Variants in GRID2 observed in about 807,000 individuals in gnomAD.
The protein encoded by GRID2 is glutamate ionotropic receptor delta type subunit 2.
In GRID2, 33 loss-of-function variants were observed where a neutral mutation model predicts 114.8. The ratio of observed to expected loss-of-function variants is 0.29; its 90% CI spans 0.22 to 0.38. The LOEUF (loss-of-function observed/expected upper bound fraction) is 0.38, where lower values mean the gene tolerates loss of function less well. Among genes scored for constraint, GRID2 ranks in the 10% least tolerant of loss-of-function variants. The pLI, the probability that GRID2 is intolerant of heterozygous loss-of-function variation, is 1.00. For synonymous variants in GRID2, 505 were observed against 449.9 expected (o/e 1.12, Z -1.55); for missense variants, 1,184 against 1,257.7 (o/e 0.94, Z 0.89).
At chr4:92,339,064 T>C (rs997462775) in intron 1 of GRID2, among the ~76,000 whole-genome samples, 3 of 152,130 alleles carry the variant, frequency 2.0e-5, no homozygotes, top group Non-Finnish European at 4.4e-5. Context: ...TGGAGATTTA[T>C]ACCTTCCTCT....
intron 2 of GRID2, among the ~76,000 whole-genome samples, chr4:92,625,663 A>G (rs62307916): frequency 0.056 from 8,449 of 151,916 alleles, 302 homozygotes; most frequent in East Asian, 0.16. Flanking sequence ...GAAAATAACA[A>G]TATTAGTTAC....
chr4:93,143,917 T>C (rs1735974571), intron 4 of GRID2, among the ~76,000 whole-genome samples: 1 of 152,222 alleles, frequency 6.6e-6, no homozygotes, highest in Non-Finnish European at 1.5e-5. Context: ...AAGAAGTTTT[T>C]CTTAAAGGAC....
chr4:92,887,511 CT>C (rs954510595), intron 2 of GRID2, among the ~76,000 whole-genome samples: 1 of 148,414 alleles, frequency 6.7e-6, no homozygotes, highest in Non-Finnish European at 1.5e-5. Flanking sequence ...TTGTGCACCC[CT>C]CTCAAGTGCT....
chr4:92,589,725 A>G (rs1209177840), intron 1 of GRID2, among the ~76,000 whole-genome samples: 1 of 152,214 alleles, frequency 6.6e-6, no homozygotes, highest in Non-Finnish European at 1.5e-5. Context: ...TTTGATTCCT[A>G]TATATTCTAT....
chr4:92,686,444 G>A (rs1259138977), intron 2 of GRID2, among the ~76,000 whole-genome samples: 1 of 152,046 alleles, frequency 6.6e-6, no homozygotes, highest in Non-Finnish European at 1.5e-5. Context: ...TCAAATGTCA[G>A]GTCTATCATG....
intron 4 of GRID2, among the ~76,000 whole-genome samples, chr4:93,128,047 AAAAAAAAAAAAAC>A (rs1251843694): frequency 4.3e-4 from 63 of 145,084 alleles, no homozygotes; most frequent in African/African-American, 8.9e-4. Flanking sequence ...AAAAAAAAAA[AAAAAAAAAAAAAC>A]AACAGTACGT....
At chr4:92,760,515 C>T (rs1737955812) in intron 2 of GRID2, among the ~76,000 whole-genome samples, 1 of 152,086 alleles carries the variant, frequency 6.6e-6, no homozygotes, top group Non-Finnish European at 1.5e-5. Flanking sequence ...CTCTCCACAG[C>T]CAATCCAGCT....
intron 2 of GRID2, among the ~76,000 whole-genome samples, chr4:92,968,707 A>G (rs1364541058): frequency 6.6e-6 from 1 of 151,822 alleles, no homozygotes; most frequent in Admixed American, 6.6e-5. Context: ...TTTTACTGCA[A>G]AGGAACTTCA....
intron 2 of GRID2, among the ~76,000 whole-genome samples, chr4:92,939,268 G>A (rs1300435415): frequency 6.8e-6 from 1 of 147,438 alleles, no homozygotes; most frequent in African/African-American, 2.4e-5. Flanking sequence ...TAACTGGTGG[G>A]AGATGATATC....
chr4:93,715,715 T>C (rs574646448), intron 14 of GRID2, among the ~76,000 whole-genome samples: 2 of 152,350 alleles, frequency 1.3e-5, no homozygotes, highest in East Asian at 3.9e-4. Context: ...AGTTCATTCA[T>C]GATTTGGCTC....
intron 1 of GRID2, among the ~76,000 whole-genome samples, chr4:92,502,580 A>G (rs1337258517): frequency 6.6e-6 from 1 of 152,110 alleles, no homozygotes. Context: ...AAGTGTTTTT[A>G]AAGTAGAATT....
intron 11 of GRID2, among the ~76,000 whole-genome samples, chr4:93,456,396 A>G (rs1214478709): frequency 2.6e-5 from 4 of 152,208 alleles, no homozygotes. Flanking sequence ...ACATTATTTC[A>G]TGCATTAAAA....
At chr4:93,137,249 GTTTA>G (rs1370737565) in intron 4 of GRID2, among the ~76,000 whole-genome samples, 1 of 152,110 alleles carries the variant, frequency 6.6e-6, no homozygotes, top group African/African-American at 2.4e-5. Context: ...CTCAGCTTGA[GTTTA>G]TTTATCCATT....
At position 92,581,805 on chromosome 4, in the gene GRID2, G is replaced by T. The variant is rs145869046; in HGVS notation, c.89-8326G>T. ...GTGTCTGAATTATTAAAAATATTTC[G>T]GACACTAGCTAAATGTAAATTACAA... On this transcript the variant is annotated intron_variant, in intron 1 of 15. Coordinates refer to ENST00000282020, the MANE Select transcript of GRID2 (RefSeq NM_001510.4). 1.9e-3 allele frequency among the ~76,000 whole-genome samples: 294 copies of T among 151,902 alleles called. 1 individual carries two copies. Among genetic ancestry groups the T allele is most frequent in the African/African-American group, 6.9e-3 (286 of 41,448 alleles).
chr4:93,547,572 G>A (rs1733344101), intron 13 of GRID2, among the ~76,000 whole-genome samples: 1 of 152,048 alleles, frequency 6.6e-6, no homozygotes, highest in Non-Finnish European at 1.5e-5. Flanking sequence ...TCTCTCTCGG[G>A]CCACATGCTA....
At chr4:92,817,036 C>T (rs1038706937) in intron 2 of GRID2, among the ~76,000 whole-genome samples, 1 of 151,836 alleles carries the variant, frequency 6.6e-6, no homozygotes, top group African/African-American at 2.4e-5. Flanking sequence ...TGGTTAAAAC[C>T]TTCAATGACC....
chr4:92,373,796 A>G (rs1729228024), intron 1 of GRID2, among the ~76,000 whole-genome samples: 1 of 152,132 alleles, frequency 6.6e-6, no homozygotes, highest in African/African-American at 2.4e-5. Flanking sequence ...TTGTCACCCT[A>G]ATATGCACAG....
chr4:93,442,276 G>C (rs903580361), intron 10 of GRID2, among the ~76,000 whole-genome samples: 2 of 152,074 alleles, frequency 1.3e-5, no homozygotes, highest in African/African-American at 4.8e-5. Context: ...TTCAGTCAGC[G>C]ATTGCTCCTG....
chr4:93,426,745 T>C lies in GRID2; in HGVS notation c.1545+3777T>C, dbSNP rs77683314. Reference sequence around the variant, plus strand: ...AATGTACTATTTGCATGTAAGAGCATGTCATTATTGTATGATAATTTATAG... The same window carrying C: ...AATGTACTATTTGCATGTAAGAGCACGTCATTATTGTATGATAATTTATAG... On this transcript the variant is annotated intron_variant, in intron 10 of 15. Coordinates refer to ENST00000282020, the MANE Select transcript of GRID2 (RefSeq NM_001510.4). 4.8e-4 allele frequency among the ~76,000 whole-genome samples: 73 copies of C among 152,234 alleles called. 2 individuals are homozygous for C. The South Asian group carries it at 0.013, about 27-fold the overall frequency.
Sources: gnomAD v4.1 joint callset for allele counts (sites outside exome capture counted in the v4.1 genomes callset) on GRCh38, gnomAD v4.1.1 for gene constraint, MANE v1.5 for transcripts, NCBI Gene and HGNC (gene_info 2026-07-23, HGNC 2026-07-21) for gene names.